The following HBS1L variants were observed in gnomAD, a reference collection of about 807,000 sequenced individuals.
HBS1L encodes the protein HBS1-like protein.
In HBS1L, 55 loss-of-function variants were observed where a neutral mutation model predicts 88.9. That is an observed-to-expected ratio of 0.62 (90% confidence interval 0.50 to 0.77). The LOEUF (loss-of-function observed/expected upper bound fraction) is 0.77, where lower values mean the gene tolerates loss of function less well. Among genes scored for constraint, HBS1L ranks in the 30% least tolerant of loss-of-function variants. The pLI, the probability that HBS1L is intolerant of heterozygous loss-of-function variation, is 0.00. For synonymous variants in HBS1L, 267 were observed against 288.5 expected (o/e 0.93, Z 0.76); for missense variants, 741 against 829.3 (o/e 0.89, Z 1.31).
intron 4 of HBS1L, among the ~76,000 whole-genome samples, chr6:135,039,161 A>AG (rs1281098019): frequency 1.7e-4 from 25 of 151,000 alleles, no homozygotes; most frequent in African/African-American, 3.9e-4. Flanking sequence ...AAAAATACAA[A>AG]CAAAAAAAAA....
At chr6:135,052,409 A>G (rs1452560141) in intron 1 of HBS1L, among the ~76,000 whole-genome samples, 1 of 151,998 alleles carries the variant, frequency 6.6e-6, no homozygotes, top group Non-Finnish European at 1.5e-5. Flanking sequence ...TGCTGTCTCT[A>G]CTAAAATAAA....
intron 4 of HBS1L, among the ~76,000 whole-genome samples, chr6:135,025,942 CTG>C (rs1323095561): frequency 5.9e-5 from 9 of 152,116 alleles, no homozygotes; most frequent in Non-Finnish European, 1.2e-4. Context: ...GTGGGAAACT[CTG>C]TAGAAATAAA....
At chr6:134,994,224 T>C (rs1245466344) in intron 7 of HBS1L, among the ~76,000 whole-genome samples, 1 of 152,026 alleles carries the variant, frequency 6.6e-6, no homozygotes, top group African/African-American at 2.4e-5. Context: ...AAAAGACAAA[T>C]GCAAAATTAC....
intron 4 of HBS1L, among the ~76,000 whole-genome samples, chr6:135,011,740 T>A (rs570085279): frequency 1.3e-5 from 2 of 151,714 alleles, no homozygotes; most frequent in South Asian, 4.2e-4. Flanking sequence ...CCCCATCTCT[T>A]CTAAAAAATA....
At chr6:134,984,964 G>A (rs1439848845) in intron 12 of HBS1L, among the ~76,000 whole-genome samples, 3 of 152,210 alleles carry the variant, frequency 2.0e-5, no homozygotes, top group East Asian at 1.9e-4. Context: ...CAACAGGGAA[G>A]CACGGGTAGA....
chr6:134,969,110 A>G, intron 16 of HBS1L, 128 bp downstream of exon 16: 1 of 652,628 alleles, frequency 1.5e-6, no homozygotes, highest in Non-Finnish European at 2.7e-6. Context: ...TAGCCCTTGA[A>G]AAAATAATTT....
chr6:134,987,749 ACT>A lies in HBS1L; in HGVS notation c.1124_1125del (p.Glu375ValfsTer2). On this transcript the variant is annotated frameshift_variant, in exon 9 of 18. Transcript: ENST00000367837. LOFTEE classifies it high-confidence loss of function. Reference protein sequence around the residue: ...AVLVVDASRGEFEAGFETGGQ... With the variant: ...AVLVVDASRGXFEAGFETGGQ... ...CCTCCAGTCTCAAATCCAGCTTCAAACTCTCCCCTGCTGGCATCTACAACTAA... is the reference window on the plus strand; with the variant it reads ...CCTCCAGTCTCAAATCCAGCTTCAAACTCCCCTGCTGGCATCTACAACTAA... The A allele has an allele frequency of 6.2e-7, 1 of 1,603,254 alleles. No homozygotes were observed. Among genetic ancestry groups the A allele is most frequent in the South Asian group, 1.1e-5 (1 of 89,554 alleles).
chr6:135,034,679 G>A (rs1012640963), intron 4 of HBS1L, among the ~76,000 whole-genome samples: 10 of 152,094 alleles, frequency 6.6e-5, no homozygotes, highest in African/African-American at 2.4e-4. Flanking sequence ...AGATACTACT[G>A]TATTATATTT....
intron 3 of HBS1L, among the ~76,000 whole-genome samples, chr6:135,040,097 T>C (rs73774548): frequency 0.042 from 6,451 of 152,286 alleles, 437 homozygotes; most frequent in African/African-American, 0.14. Flanking sequence ...TGATCATTTT[T>C]TGCATGTACA....
intron 2 of HBS1L, 52 bp from the exon 3 acceptor site, chr6:135,042,178 C>T (rs1047896675): frequency 6.7e-6 from 10 of 1,484,754 alleles, no homozygotes; most frequent in Admixed American, 4.4e-5. Flanking sequence ...TTCCTATTAA[C>T]TTTTTTTTAC....
chr6:135,004,780 C>T (rs12526055), intron 4 of HBS1L, among the ~76,000 whole-genome samples: 74,111 of 151,954 alleles, frequency 0.49, 18,188 homozygotes, highest in South Asian at 0.56. Flanking sequence ...CAATGAACAT[C>T]AAATAGGCAG....
rs1388013605 is a variant in HBS1L, at chr6:135,024,269, T to C, written c.430+15304A>G. Among the ~76,000 whole-genome samples the C allele has an allele frequency of 4.0e-5, 6 of 151,760 alleles. No individual in the cohort carries two copies. The South Asian group carries it at 8.3e-4, about 21-fold the overall frequency. On this transcript the variant is annotated intron_variant, in intron 4 of 17. Coordinates refer to ENST00000367837, the MANE Select transcript of HBS1L (RefSeq NM_006620.4). ...TCCTGGCTAACATGGTGAAACCCTG[T>C]CTCTACTAAAAATACAAAAAATTAG...
chr6:134,999,753 T>C (rs1775397223), intron 5 of HBS1L, among the ~76,000 whole-genome samples: 1 of 152,162 alleles, frequency 6.6e-6, no homozygotes, highest in African/African-American at 2.4e-5. Context: ...CGGCCCCTTT[T>C]AAGTAAATCT....
intron 15 of HBS1L, among the ~76,000 whole-genome samples, chr6:134,977,839 T>A (rs1461792727): frequency 1.3e-5 from 2 of 152,006 alleles, no homozygotes; most frequent in African/African-American, 4.8e-5. Context: ...AAAATGGTCA[T>A]CTGTCACGTG....
Position 135,048,601 on chromosome 6 carries a change from C to T in HBS1L, c.109+1981G>A, listed in dbSNP as rs543437461. On this transcript the variant is annotated intron_variant, in intron 2 of 17. Coordinates refer to ENST00000367837, the MANE Select transcript of HBS1L (RefSeq NM_006620.4). The stretch of plus-strand genomic sequence containing the variant: ...TTCTAAAAGGTGGTTTCAACCTTGC[C>T]TTTTGTTCCCCTAAGAACTAGGGAC... Among the ~76,000 whole-genome samples, 4 of 152,308 alleles carry T rather than the reference C, an allele frequency of 2.6e-5. No individual in the cohort carries two copies. The South Asian group carries it at 6.2e-4, about 24-fold the overall frequency.
intron 4 of HBS1L, among the ~76,000 whole-genome samples, chr6:135,030,065 T>C (rs2114877302): frequency 6.6e-6 from 1 of 152,306 alleles, no homozygotes; most frequent in East Asian, 1.9e-4. Flanking sequence ...TACGTTTATG[T>C]GCCAGACATA....
Position 135,002,932 on chromosome 6 carries a change from A to G in HBS1L, c.431-90T>C, listed in dbSNP as rs1193764580. Reference sequence around the variant, plus strand: ...ATAGTATTTTAAATTATAGATTATGATAACTTTCACAGAATTAATGTCTTT... The same window carrying G: ...ATAGTATTTTAAATTATAGATTATGGTAACTTTCACAGAATTAATGTCTTT... On this transcript the variant is annotated intron_variant, in intron 4 of 17. Coordinates refer to ENST00000367837, the MANE Select transcript of HBS1L (RefSeq NM_006620.4). 6.7e-6 allele frequency: 5 copies of G among 751,442 alleles called. No individual in the cohort carries two copies. In the East Asian group the frequency reaches 1.1e-4, roughly 17 times the overall value. 46.5% of individuals were successfully genotyped at this position (751,442 alleles called of 1,614,324 possible). A position where few individuals can be genotyped will look rare whatever the true frequency, so the allele number is the denominator to read the frequency against.
chr6:134,967,865 T>C (rs929007837), intron 16 of HBS1L, among the ~76,000 whole-genome samples: 2 of 152,224 alleles, frequency 1.3e-5, no homozygotes, highest in Non-Finnish European at 2.9e-5. Flanking sequence ...AGCCTAAAAA[T>C]AGTGGTCCTC....
Position 134,985,334 on chromosome 6 carries a change from C to T in HBS1L, c.1492+7G>A, listed in dbSNP as rs1206858646. 1 of 1,577,926 alleles carries T rather than the reference C, an allele frequency of 6.3e-7. No homozygotes were observed. Among genetic ancestry groups the T allele is most frequent in the Non-Finnish European group, 8.7e-7 (1 of 1,152,646 alleles). On this transcript the variant is annotated splice_region_variant and intron_variant, in intron 12 of 17. Transcript: ENST00000367837. The stretch of plus-strand genomic sequence containing the variant: ...TACTGAAGAAGCACTACAAAGGTAG[C>T]ACTTACCTTTGAAAACATCGGACAC...
Sources: allele counts gnomAD v4.1 joint callset (sites outside exome capture counted in the v4.1 genomes callset), GRCh38; gene constraint gnomAD v4.1.1; transcripts MANE v1.5; gene names NCBI Gene and HGNC (gene_info 2026-07-23, HGNC 2026-07-21).